The following MACF1 variants were observed in gnomAD, a reference collection of about 807,000 sequenced individuals.
MACF1 encodes the protein microtubule actin crosslinking factor 1, also known as microtubule-actin cross-linking factor 1.
A neutral mutation model predicts 854.8 loss-of-function variants in MACF1; 193 were observed. That is an observed-to-expected ratio of 0.23 (90% CI 0.20 to 0.25). The LOEUF (loss-of-function observed/expected upper bound fraction) is 0.25, where lower values mean the gene tolerates loss of function less well. MACF1 is among the 10% of genes least tolerant of loss of function. The probability of loss-of-function intolerance (pLI) is 1.00; values close to 1 mark genes in which losing one functional copy is unlikely to be tolerated. For synonymous variants in MACF1, 3,185 were observed against 3,226.7 expected (o/e 0.99, Z 0.44); for missense variants, 7,722 against 8,929.1 (o/e 0.86, Z 5.45).
chr1:39,448,828 T>G, intron 84 of MACF1, 65 bp downstream of exon 84: 1 of 1,362,094 alleles, frequency 7.3e-7, no homozygotes, highest in Non-Finnish European at 9.9e-7. Context: ...TCTTACCAGA[T>G]TCTATAAAAT....
intron 94 of MACF1, 119 bp from the exon 95 acceptor site, chr1:39,464,976 G>T (rs904453866): frequency 4.5e-6 from 4 of 882,038 alleles, no homozygotes; most frequent in Non-Finnish European, 7.6e-6. Context: ...TGTTCAGTGT[G>T]TGTCACTTTG....
intron 97 of MACF1, among the ~76,000 whole-genome samples, chr1:39,478,957 G>A (rs376978436): frequency 2.6e-5 from 4 of 152,290 alleles, no homozygotes; most frequent in East Asian, 3.9e-4. Context: ...ATATTCCAGA[G>A]GGATTATGTC....
At chr1:39,248,449 C>T (rs985902954) in intron 2 of MACF1, among the ~76,000 whole-genome samples, 4 of 152,150 alleles carry the variant, frequency 2.6e-5, no homozygotes, top group African/African-American at 9.7e-5. Context: ...AAGCAGTCCT[C>T]CTGTCTCAGC....
intron 58 of MACF1, among the ~76,000 whole-genome samples, chr1:39,408,943 C>T (rs1217897812): frequency 1.4e-5 from 2 of 146,402 alleles, no homozygotes; most frequent in African/African-American, 5.2e-5. Flanking sequence ...CCCCGCCGGG[C>T]CCCGCCCCCG....
chr1:39,244,135 C>T (rs115113188), intron 2 of MACF1, among the ~76,000 whole-genome samples: 3,051 of 151,916 alleles, frequency 0.02, 109 homozygotes, highest in African/African-American at 0.071. Flanking sequence ...GACAGAGTCT[C>T]ACTCTGTTGC....
At position 39,479,717 on chromosome 1, in the gene MACF1, T is replaced by G; in HGVS notation, c.21959-81T>G. On this transcript the variant is annotated intron_variant, in intron 97 of 100. Transcript: ENST00000564288. ...CATATAACTTATATAACTGTTATCA[T>G]GGGGTCAAGCCGCTGTATAACCGTC... 3 of 1,213,938 alleles carry G rather than the reference T, an allele frequency of 2.5e-6. No individual in the cohort carries two copies. The Admixed American group carries it at 5.8e-5, about 24-fold the overall frequency. 75.2% of individuals were successfully genotyped at this position (1,213,938 alleles called of 1,614,324 possible). A position where few individuals can be genotyped will look rare whatever the true frequency, so the allele number is the denominator to read the frequency against.
intron 6 of MACF1, among the ~76,000 whole-genome samples, chr1:39,265,370 A>G (rs917777688): frequency 7.9e-5 from 12 of 152,306 alleles, no homozygotes; most frequent in Middle Eastern, 3.4e-3. Flanking sequence ...TAAAGAATGT[A>G]TAGGCCTCAA....
chr1:39,157,394 AT>A (rs1289250042), intron 2 of MACF1, among the ~76,000 whole-genome samples: 3 of 152,196 alleles, frequency 2.0e-5, no homozygotes, highest in African/African-American at 7.2e-5. Flanking sequence ...CCAATCTGTA[AT>A]TGGGAGTTTT....
intron 58 of MACF1, chr1:39,411,451 T>C (rs1642999466): frequency 6.2e-7 from 1 of 1,613,840 alleles, no homozygotes; most frequent in African/African-American, 1.3e-5. Context: ...TCAGATTTGT[T>C]GCCCTGATGA....
In MACF1 at chr1:39,417,713, A is replaced by ATTTTT. The variant is rs56799242; in HGVS notation, c.15817-4629_15817-4625dup. Among the ~76,000 whole-genome samples, 7 of 55,826 alleles carry ATTTTT rather than the reference A, an allele frequency of 1.3e-4. 1 individual carries two copies. The highest frequency in any genetic ancestry group is 1.9e-4 in the Non-Finnish European group (5 of 25,990). 36.6% of individuals were successfully genotyped at this position (55,826 alleles called of 152,430 possible). ...AGGAATGTGCCACCACACCCAGTTA[A>ATTTTT]TTTTTTTTTTTTTTTTTTTTTTTTT... On this transcript the variant is annotated intron_variant, in intron 58 of 100. Transcript: ENST00000564288.
At chr1:39,245,735 ATATTTATTCATTCATT>A (rs1210138646) in intron 2 of MACF1, among the ~76,000 whole-genome samples, 1 of 152,190 alleles carries the variant, frequency 6.6e-6, no homozygotes, top group Admixed American at 6.5e-5. Flanking sequence ...CAATCAAGCA[ATATTTATTCATTCATT>A]TATTTATTCA....
chr1:39,335,377 T>A lies in MACF1; in HGVS notation c.8789T>A (p.Leu2930Gln). 1 of 1,613,976 alleles carries A rather than the reference T, an allele frequency of 6.2e-7. No homozygotes were observed. Among genetic ancestry groups the A allele is most frequent in the Non-Finnish European group, 8.5e-7 (1 of 1,179,892 alleles). The change falls in exon 37 of 101, where the codon CTA (leucine) becomes CAA (glutamine). Residue 2930 changes from leucine to glutamine, a missense_variant. Physicochemically the swap from Leu to Gln is moderately radical, Grantham distance 113. Around this residue, in one of 15 missense-constraint regions of MACF1, gnomAD observed 854 missense variants for 852.6 expected, o/e 1.00. Transcript: ENST00000564288. ...CATATGAAGCAGTCTACCTCATGTC[T>A]AGATTCTGAAGAAATAAGAGAAAAT... ...ISHMKQSTSCLDSEEIRENQG... is the reference protein window; with the variant it reads ...ISHMKQSTSCQDSEEIRENQG...
chr1:39,207,591 A>G (rs1392162706), intron 1 of MACF1, among the ~76,000 whole-genome samples: 1 of 152,182 alleles, frequency 6.6e-6, no homozygotes. Context: ...AAGAATGTTC[A>G]TAGTTTTAAA....
At chr1:39,436,472 A>G (rs1170727083) in intron 70 of MACF1, 1 of 1,614,012 alleles carries the variant, frequency 6.2e-7, no homozygotes, top group South Asian at 1.1e-5. Context: ...GACCGCGCCC[A>G]CCATTACAGA....
chr1:39,432,446 A>G lies in MACF1; in HGVS notation c.17338-89A>G, dbSNP rs1456402185. On this transcript the variant is annotated intron_variant, in intron 66 of 100. Transcript: ENST00000564288. ...TGAGATATAAACTGTATTACTGAAA[A>G]TCCAGGCCTTGCTTTGTTGAATAAA... The G allele has an allele frequency of 6.7e-6, 8 of 1,201,272 alleles. No individual in the cohort carries two copies. In the African/African-American group the frequency reaches 1.1e-4, roughly 16 times the overall value. The allele number at this position is 1,201,272 out of a possible 1,614,324, so 74.4% of individuals were successfully genotyped here.
At chr1:39,253,741 C>G (rs921526048) in intron 4 of MACF1, among the ~76,000 whole-genome samples, 7 of 152,130 alleles carry the variant, frequency 4.6e-5, no homozygotes, top group Non-Finnish European at 1.5e-5. Flanking sequence ...GTCTCTAACT[C>G]CTGGGCTCAA....
chr1:39,412,903 C>T (rs1421121429), intron 58 of MACF1: 2 of 1,608,742 alleles, frequency 1.2e-6, no homozygotes, highest in Non-Finnish European at 1.7e-6. Context: ...GCCCTTTCCA[C>T]ATGAGGACAT....
At chr1:39,348,522 G>C (rs1415444307) in intron 41 of MACF1, among the ~76,000 whole-genome samples, 6 of 152,100 alleles carry the variant, frequency 3.9e-5, no homozygotes, top group African/African-American at 1.4e-4. Flanking sequence ...TTCAGATTCA[G>C]TCTGCACCCA....
At chr1:39,263,045 T>C (rs1366858768) in intron 6 of MACF1, among the ~76,000 whole-genome samples, 1 of 151,894 alleles carries the variant, frequency 6.6e-6, no homozygotes, top group Non-Finnish European at 1.5e-5. Context: ...ATTGTGGTTT[T>C]CTAGTCTTTC....
Sources: allele counts gnomAD v4.1 joint callset (sites outside exome capture counted in the v4.1 genomes callset), GRCh38; gene constraint gnomAD v4.1.1; regional missense constraint gnomAD v4.1.1; transcripts MANE v1.5; gene names NCBI Gene and HGNC (gene_info 2026-07-23, HGNC 2026-07-21).